The following SLC24A3 variants were observed in gnomAD, a reference collection of about 807,000 sequenced individuals.
The protein encoded by SLC24A3 is sodium/potassium/calcium exchanger 3.
A neutral mutation model predicts 75.8 loss-of-function variants in SLC24A3; 28 were observed. That is an observed-to-expected ratio of 0.37 (90% CI 0.27 to 0.51). The LOEUF is 0.51. Among genes scored for constraint, SLC24A3 ranks in the 20% least tolerant of loss-of-function variants. The probability of loss-of-function intolerance (pLI) is 0.94; values close to 1 mark genes in which losing one functional copy is unlikely to be tolerated. For synonymous variants in SLC24A3, 372 were observed against 334.1 expected, an observed-to-expected ratio of 1.11 and a Z score of -1.24; for missense variants, 663 against 847.8, an observed-to-expected ratio of 0.78 and a Z score of 2.71.
intron 2 of SLC24A3, among the ~76,000 whole-genome samples, chr20:19,405,377 G>A (rs1986625003): frequency 6.6e-6 from 1 of 152,148 alleles, no homozygotes; most frequent in African/African-American, 2.4e-5. Context: ...GTTTTTTCTG[G>A]AAAGTAAAAG....
At chr20:19,682,014 G>A in intron 10 of SLC24A3, 23 bp downstream of exon 10, 1 of 1,611,882 alleles carries the variant, frequency 6.2e-7, no homozygotes, top group Non-Finnish European at 8.5e-7. Context: ...AGCACTTTGG[G>A]GTCCAAGGCA....
chr20:19,274,347 C>T (rs1294112548), intron 1 of SLC24A3, among the ~76,000 whole-genome samples: 1 of 151,964 alleles, frequency 6.6e-6, no homozygotes, highest in Non-Finnish European at 1.5e-5. Flanking sequence ...GATCTTCTCC[C>T]AGCCACCTTC....
intron 2 of SLC24A3, among the ~76,000 whole-genome samples, chr20:19,491,319 G>T (rs974374292): frequency 6.6e-6 from 1 of 152,110 alleles, no homozygotes; most frequent in Admixed American, 6.5e-5. Flanking sequence ...CTCCTTCCTT[G>T]TTACCTGTCT....
At chr20:19,348,076 G>A (rs1251647008) in intron 2 of SLC24A3, among the ~76,000 whole-genome samples, 2 of 152,198 alleles carry the variant, frequency 1.3e-5, no homozygotes, top group Non-Finnish European at 2.9e-5. Context: ...GCCGATGACA[G>A]GCAGTTCCCC....
chr20:19,389,512 GTT>G (rs796450778), intron 2 of SLC24A3, among the ~76,000 whole-genome samples: 6 of 147,408 alleles, frequency 4.1e-5, no homozygotes, highest in South Asian at 2.1e-4. Context: ...GCAGGGTTTT[GTT>G]TTTTTTTTCT....
At chr20:19,625,043 C>T (rs967743490) in intron 6 of SLC24A3, among the ~76,000 whole-genome samples, 1 of 152,190 alleles carries the variant, frequency 6.6e-6, no homozygotes, top group Non-Finnish European at 1.5e-5. Context: ...CTCCAGCAGG[C>T]TATCCCAGGC....
chr20:19,685,424 T>C lies in SLC24A3; in HGVS notation c.1324+63T>C, dbSNP rs1411559459. 11 of 1,568,854 alleles carry C rather than the reference T, an allele frequency of 7.0e-6. No individual in the cohort carries two copies. In the East Asian group the frequency reaches 2.5e-4, roughly 35 times the overall value. ...TTTTGAGCCACTGAGTAGATGCCCT[T>C]GACTTAGATTATCTTTTTACCATTC... On this transcript the variant is annotated intron_variant, in intron 12 of 16. Coordinates refer to ENST00000328041, the MANE Select transcript of SLC24A3 (RefSeq NM_020689.4).
In SLC24A3 at chr20:19,258,225, T is replaced by TCTTCTTCCCACCCC. The variant is rs1982874159; in HGVS notation, c.143-22733_143-22732insTTCTTCCCACCCCC. Among the ~76,000 whole-genome samples, 3 of 152,220 alleles carry TCTTCTTCCCACCCC rather than the reference T, an allele frequency of 2.0e-5. No individual in the cohort carries two copies. The South Asian group carries it at 6.2e-4, about 32-fold the overall frequency. On this transcript the variant is annotated intron_variant, in intron 1 of 16. Transcript: ENST00000328041. Reference sequence around the variant, plus strand: ...GCGGGCACCTTTGCTGCCTCTGCCCTCACAGCTCTTCTTCCCACCCCATGA... The same window carrying TCTTCTTCCCACCCC: ...GCGGGCACCTTTGCTGCCTCTGCCCTCTTCTTCCCACCCCCACAGCTCTTCTTCCCACCCCATGA...
intron 2 of SLC24A3, among the ~76,000 whole-genome samples, chr20:19,421,381 G>T (rs952792582): frequency 3.3e-5 from 5 of 149,378 alleles, no homozygotes; most frequent in African/African-American, 1.2e-4. Flanking sequence ...AAAAGTGGGC[G>T]AAGGACATGA....
intron 3 of SLC24A3, among the ~76,000 whole-genome samples, chr20:19,557,344 T>TAGA (rs2030804456): frequency 6.6e-6 from 1 of 152,178 alleles, no homozygotes; most frequent in Non-Finnish European, 1.5e-5. Context: ...TCTTCCCAAC[T>TAGA]TTGACATCAC....
chr20:19,396,993 T>A (rs1244268908), intron 2 of SLC24A3, among the ~76,000 whole-genome samples: 1 of 152,228 alleles, frequency 6.6e-6, no homozygotes, highest in Non-Finnish European at 1.5e-5. Flanking sequence ...AGAACAGAAC[T>A]TGGCCTGAAG....
chr20:19,323,138 G>A (rs1241817687), intron 2 of SLC24A3, among the ~76,000 whole-genome samples: 20 of 149,478 alleles, frequency 1.3e-4, no homozygotes, highest in Non-Finnish European at 2.2e-4. Context: ...CCCGGGAGGC[G>A]GAGGTTGCAG....
chr20:19,484,104 T>C (rs1988096212), intron 2 of SLC24A3, among the ~76,000 whole-genome samples: 2 of 152,208 alleles, frequency 1.3e-5, no homozygotes, highest in Admixed American at 1.3e-4. Context: ...GATAAATGGA[T>C]AAATAAAATG....
intron 2 of SLC24A3, among the ~76,000 whole-genome samples, chr20:19,370,113 T>TA (rs66505084): frequency 3.3e-5 from 5 of 151,562 alleles, no homozygotes; most frequent in South Asian, 2.1e-4. Flanking sequence ...ATTAAATTCT[T>TA]AAAAAAAAAG....
At chr20:19,417,303 G>A (rs1335548835) in intron 2 of SLC24A3, among the ~76,000 whole-genome samples, 2 of 152,188 alleles carry the variant, frequency 1.3e-5, no homozygotes, top group African/African-American at 4.8e-5. Context: ...TAAACATAGT[G>A]CATTATATAT....
intron 1 of SLC24A3, among the ~76,000 whole-genome samples, chr20:19,278,932 C>T (rs958225421): frequency 1.6e-4 from 25 of 152,196 alleles, no homozygotes; most frequent in African/African-American, 6.0e-4. Flanking sequence ...GTGAGGTGCC[C>T]ACAGGCATTG....
chr20:19,367,906 T>G (rs1444769997), intron 2 of SLC24A3, among the ~76,000 whole-genome samples: 2 of 152,208 alleles, frequency 1.3e-5, no homozygotes, highest in Non-Finnish European at 2.9e-5. Context: ...GGATGTCTGC[T>G]GAGTAACAGA....
At chr20:19,498,908 C>T (rs904938798) in intron 2 of SLC24A3, among the ~76,000 whole-genome samples, 2 of 152,222 alleles carry the variant, frequency 1.3e-5, no homozygotes, top group Non-Finnish European at 2.9e-5. Flanking sequence ...ACTCTCTTGG[C>T]GTGTGCACGT....
intron 13 of SLC24A3, 56 bp from the exon 14 acceptor site, chr20:19,696,740 TG>T: frequency 8.4e-7 from 1 of 1,188,682 alleles, no homozygotes; most frequent in Non-Finnish European, 1.3e-6. Context: ...AGAAGAATCA[TG>T]GGCAGGTGGG....
Sources: allele counts gnomAD v4.1 joint callset (sites outside exome capture counted in the v4.1 genomes callset), GRCh38; gene constraint gnomAD v4.1.1; transcripts MANE v1.5; gene names NCBI Gene and HGNC (gene_info 2026-07-23, HGNC 2026-07-21).